The following AKT1 variants were observed in gnomAD, a reference collection of about 807,000 sequenced individuals.
The protein encoded by AKT1 is RAC-alpha serine/threonine-protein kinase.
A neutral mutation model predicts 63.1 loss-of-function variants in AKT1; 21 were observed. The observed-to-expected ratio is 0.33, with a 90% CI of 0.24 to 0.48. The LOEUF is 0.48. Among genes scored for constraint, AKT1 ranks in the 20% least tolerant of loss-of-function variants. The pLI is 0.99. For missense variants in AKT1, 382 were observed against 666.0 expected (o/e 0.57, Z 4.69); for synonymous variants, 257 against 253.1 (o/e 1.02, Z -0.15).
At chr14:104,788,783 C>T (rs1268627916) in intron 3 of AKT1, among the ~76,000 whole-genome samples, 3 of 152,176 alleles carry the variant, frequency 2.0e-5, no homozygotes, top group African/African-American at 7.2e-5. Context: ...TACTCCCCAC[C>T]GGGACGCCTG....
At chr14:104,770,992 C>G in intron 13 of AKT1, 145 bp from the exon 14 acceptor site, 1 of 686,864 alleles carries the variant, frequency 1.5e-6, no homozygotes, top group Non-Finnish European at 2.5e-6. Context: ...AGCCACCAGC[C>G]CCCCACAGAG....
chr14:104,770,801 C>G lies in AKT1; in HGVS notation c.1307G>C (p.Arg436Thr). The G allele has an allele frequency of 6.2e-7, 1 of 1,614,130 alleles. No individual in the cohort carries two copies. The highest frequency in any genetic ancestry group is 8.5e-7 in the Non-Finnish European group (1 of 1,180,022). ...KPQVTSETDT[R>T]YFDEEFTAQM... ...GGCCGTGAACTCCTCATCAAAATAC[C>G]TGGTGTCAGTCTCCGACGTGACCTG... The change falls in exon 14 of 15, where the codon AGG becomes ACG. Residue 436 changes from arginine (R) to threonine (T), a missense_variant. By Grantham distance (71) the Arg-to-Thr change is moderately conservative. This residue lies in a region of AKT1 where 90 missense variants were observed against 120.5 expected (regional missense o/e 0.75). Coordinates refer to ENST00000649815, the MANE Select transcript of AKT1 (RefSeq NM_001382430.1).
chr14:104,777,098 G>A (rs2498795), intron 4 of AKT1: 1 of 309,136 alleles, frequency 3.2e-6, no homozygotes, highest in Non-Finnish European at 6.2e-6. Flanking sequence ...GAGGATGAGG[G>A]GTATGGAGAT....
chr14:104,786,426 C>T (rs910404991), intron 3 of AKT1: 2 of 151,888 alleles, frequency 1.3e-5, no homozygotes, highest in African/African-American at 4.8e-5. Context: ...AGGCTCCTTC[C>T]GGGGCTCGGC....
Position 104,776,489 on chromosome 14 carries a change from C to A in AKT1, c.287+170G>T, listed in dbSNP as rs28535133. ...TCCAGCCTCAGTTTCCCCACCCAAA[C>A]CCCACAGGCAGGACTGGGCCAGTTT... is the stretch of plus-strand genomic sequence containing the variant. On this transcript the variant is annotated intron_variant, in intron 5 of 14. Transcript: ENST00000649815. 9,393 of 566,884 alleles carry A rather than the reference C, an allele frequency of 0.017. 691 individuals carry two copies. Among genetic ancestry groups the A allele is most frequent in the African/African-American group, 0.16 (8,329 of 52,244 alleles). The allele number at this position is 566,884 out of a possible 1,614,324, so 35.1% of individuals were successfully genotyped here. A position where few individuals can be genotyped will look rare whatever the true frequency, so the allele number is the denominator to read the frequency against.
intron 13 of AKT1, 91 bp from the exon 14 acceptor site, chr14:104,770,938 A>AGACCCCTTGGAGATCCAGG: frequency 1.7e-6 from 2 of 1,154,182 alleles, no homozygotes; most frequent in Non-Finnish European, 2.5e-6. Flanking sequence ...AAGCACCTGG[A>AGACCCCTTGGAGATCCAGG]TCTCCAAGGG....
At chr14:104,783,484 G>C (rs1893175020) in intron 3 of AKT1, among the ~76,000 whole-genome samples, 1 of 151,586 alleles carries the variant, frequency 6.6e-6, no homozygotes, top group Admixed American at 6.6e-5. Context: ...CCATCAGCCA[G>C]CTGGCATCCC....
intron 1 of AKT1, chr14:104,793,536 A>T (rs974369916): frequency 3.4e-5 from 6 of 176,794 alleles, no homozygotes; most frequent in African/African-American, 1.4e-4. Context: ...CTGGAGACAA[A>T]GAGAGGTTCA....
Position 104,793,210 on chromosome 14 carries a change from C to T in AKT1, c.-163G>A, listed in dbSNP as rs1451320037. ...AGGCTGGCTCGGCCTTCCCTAAGCCCCTGGTGACAGATGGCCCCGTTTGCT... is the reference window on the plus strand; with the variant it reads ...AGGCTGGCTCGGCCTTCCCTAAGCCTCTGGTGACAGATGGCCCCGTTTGCT... On this transcript the variant is annotated 5_prime_UTR_variant, in exon 2 of 15. Coordinates refer to ENST00000649815, the MANE Select transcript of AKT1 (RefSeq NM_001382430.1). 1 of 186,174 alleles carries T rather than the reference C, an allele frequency of 5.4e-6. No homozygotes were observed. Among genetic ancestry groups the T allele is most frequent in the East Asian group, 9.0e-5 (1 of 11,158 alleles). 11.5% of individuals were successfully genotyped at this position (186,174 alleles called of 1,614,324 possible).
chr14:104,787,612 G>A (rs975643287), intron 3 of AKT1, among the ~76,000 whole-genome samples: 2 of 152,214 alleles, frequency 1.3e-5, no homozygotes, highest in African/African-American at 2.4e-5. Context: ...CCGGCCTGAT[G>A]CAACCCGGCC....
At chr14:104,793,787 G>C (rs573706022) in intron 1 of AKT1, 1 of 152,842 alleles carries the variant, frequency 6.5e-6, no homozygotes, top group South Asian at 2.1e-4. Context: ...ACCAACTACA[G>C]GCATCCCCAG....
chr14:104,773,853 GC>G (rs773743303), intron 9 of AKT1, 58 bp downstream of exon 9: 53 of 1,511,490 alleles, frequency 3.5e-5, no homozygotes, highest in Non-Finnish European at 4.7e-5. Flanking sequence ...GGAAGGACCG[GC>G]CCCACCATGG....
At chr14:104,782,254 C>T (rs1185274002) in intron 3 of AKT1, among the ~76,000 whole-genome samples, 1 of 152,126 alleles carries the variant, frequency 6.6e-6, no homozygotes. Context: ...CTGTCGGCCC[C>T]TGATGGAGTG....
intron 4 of AKT1, 103 bp downstream of exon 4, chr14:104,779,985 G>C (rs760470625): frequency 1.3e-6 from 2 of 1,499,686 alleles, no homozygotes; most frequent in Non-Finnish European, 1.8e-6. Flanking sequence ...GCCAGCCCAG[G>C]ACTTGGAGGC....
intron 3 of AKT1, among the ~76,000 whole-genome samples, chr14:104,792,056 T>A (rs1893657263): frequency 6.6e-6 from 1 of 152,122 alleles, no homozygotes; most frequent in Admixed American, 6.5e-5. Flanking sequence ...ACCTCCTCCA[T>A]AGGCTGCAAG....
chr14:104,793,784 A>T (rs1380159098), intron 1 of AKT1: 1 of 152,830 alleles, frequency 6.5e-6, no homozygotes, highest in Non-Finnish European at 1.5e-5. Flanking sequence ...ATCACCAACT[A>T]CAGGCATCCC....
At position 104,780,203 on chromosome 14, in the gene AKT1, C is replaced by T. The variant is rs1367344673; in HGVS notation, c.60G>A (p.Lys20=). Reference sequence around the variant, plus strand: ...GGAGGAAGTAGCGTGGCCGCCAGGTCTTGATGTACTCCCCTACAGACGTGC... The same window carrying T: ...GGAGGAAGTAGCGTGGCCGCCAGGTTTTGATGTACTCCCCTACAGACGTGC... ...GWLHKRGEYI[K]TWRPRYFLLK... The change falls in exon 4 of 15, where the codon AAG becomes AAA. Residue 20 remains lysine (K), a synonymous_variant. Transcript: ENST00000649815. The T allele has an allele frequency of 6.2e-7, 1 of 1,613,392 alleles. No homozygotes were observed. The highest frequency in any genetic ancestry group is 2.2e-5 in the East Asian group (1 of 44,884).
chr14:104,770,609 C>A (rs867978368), intron 14 of AKT1, 136 bp downstream of exon 14: 118 of 964,620 alleles, frequency 1.2e-4, no homozygotes, highest in Middle Eastern at 8.2e-4. Flanking sequence ...CCACCCTGAT[C>A]ATTGGCACTC....
intron 8 of AKT1, chr14:104,774,652 G>A (rs928306631): frequency 2.1e-6 from 1 of 474,962 alleles, no homozygotes; most frequent in African/African-American, 2.0e-5. Flanking sequence ...AGGGCTGCAG[G>A]GCATGGGGAG....
Sources: allele counts gnomAD v4.1 joint callset (sites outside exome capture counted in the v4.1 genomes callset), GRCh38; gene constraint gnomAD v4.1.1; regional missense constraint gnomAD v4.1.1; transcripts MANE v1.5; gene names NCBI Gene and HGNC (gene_info 2026-07-23, HGNC 2026-07-21).